Variants in PCDH15 observed in about 807,000 individuals in gnomAD.
The protein encoded by PCDH15 is protocadherin-15.
Under a neutral mutation model 178.5 loss-of-function variants are expected in PCDH15, and 129 were observed. That is an observed-to-expected ratio of 0.72 (90% CI 0.63 to 0.84). The LOEUF (loss-of-function observed/expected upper bound fraction) is 0.84. PCDH15 is among the 40% of genes least tolerant of loss of function. The pLI, the probability that PCDH15 is intolerant of heterozygous loss-of-function variation, is 0.00. For synonymous variants in PCDH15, 800 were observed against 732.0 expected, an observed-to-expected ratio of 1.09 and a Z score of -1.50; for missense variants, 2,230 against 2,099.9, an observed-to-expected ratio of 1.06 and a Z score of -1.21.
intron 3 of PCDH15, chr10:54,452,594 G>GA (rs1554977892): frequency 6.7e-6 from 1 of 149,686 alleles, no homozygotes; most frequent in Non-Finnish European, 1.5e-5. Context: ...TGGTAAGCCA[G>GA]TTTTTTTTTT....
chr10:54,222,676 A>C (rs2052975500), intron 9 of PCDH15, among the ~76,000 whole-genome samples: 1 of 152,194 alleles, frequency 6.6e-6, no homozygotes, highest in Admixed American at 6.5e-5. Context: ...AATTTTGGCC[A>C]TTCTGGTGTG....
chr10:54,050,211 A>T (rs1161843007), intron 18 of PCDH15, among the ~76,000 whole-genome samples: 1 of 151,874 alleles, frequency 6.6e-6, no homozygotes, highest in Non-Finnish European at 1.5e-5. Flanking sequence ...TGATCGGTAG[A>T]TTTTTCATTA....
chr10:54,928,045 C>A (rs1837676197), intron 2 of PCDH15, among the ~76,000 whole-genome samples: 1 of 152,106 alleles, frequency 6.6e-6, no homozygotes, highest in South Asian at 2.1e-4. Flanking sequence ...AGTCTGTGTA[C>A]TTAAGTGTGT....
intron 15 of PCDH15, among the ~76,000 whole-genome samples, chr10:54,122,970 C>T (rs2132897469): frequency 6.6e-6 from 1 of 151,818 alleles, no homozygotes; most frequent in Middle Eastern, 3.4e-3. Context: ...GAGCTATATG[C>T]AGAAGAATGA....
intron 5 of PCDH15, among the ~76,000 whole-genome samples, chr10:54,348,391 G>A (rs932247886): frequency 1.3e-5 from 2 of 152,106 alleles, no homozygotes; most frequent in East Asian, 3.9e-4. Flanking sequence ...GTACCTATGA[G>A]GACATCGAGG....
At chr10:55,440,267 G>A (rs28402773) in intron 2 of PCDH15, among the ~76,000 whole-genome samples, 62,270 of 151,898 alleles carry the variant, frequency 0.41, 13,503 homozygotes, top group East Asian at 0.83. Context: ...TCTTCATAAT[G>A]TCAAACAATT....
chr10:54,442,459 T>TATATATATATATATAC (rs1469736625), intron 3 of PCDH15, among the ~76,000 whole-genome samples: 1 of 93,452 alleles, frequency 1.1e-5, no homozygotes, highest in African/African-American at 4.8e-5. Flanking sequence ...TATATATATA[T>TATATATATATATATAC]ACAGTCTTTT....
At chr10:54,931,934 T>C (rs753406128) in intron 2 of PCDH15, among the ~76,000 whole-genome samples, 6 of 152,130 alleles carry the variant, frequency 3.9e-5, no homozygotes, top group Non-Finnish European at 7.3e-5. Context: ...AAAATGCACC[T>C]CCATATTAAA....
At chr10:55,030,206 C>G (rs11004687) in intron 2 of PCDH15, among the ~76,000 whole-genome samples, 69,740 of 151,952 alleles carry the variant, frequency 0.46, 17,904 homozygotes, top group East Asian at 0.75. Context: ...ACATGTGCCT[C>G]TCTTTAGTTT....
intron 8 of PCDH15, among the ~76,000 whole-genome samples, chr10:54,282,768 A>C (rs2058781116): frequency 6.6e-6 from 1 of 152,072 alleles, no homozygotes; most frequent in African/African-American, 2.4e-5. Flanking sequence ...ATGATTTTTG[A>C]CCAAATATAG....
chr10:54,286,453 G>T (rs895106638), intron 8 of PCDH15, among the ~76,000 whole-genome samples: 14 of 151,632 alleles, frequency 9.2e-5, no homozygotes, highest in Admixed American at 7.9e-4. Context: ...CTAAAACAAA[G>T]AATTTATTGT....
At chr10:54,572,127 A>C (rs1003264200) in intron 2 of PCDH15, among the ~76,000 whole-genome samples, 5 of 152,160 alleles carry the variant, frequency 3.3e-5, no homozygotes, top group African/African-American at 9.6e-5. Flanking sequence ...GTCATGTAGG[A>C]AGGTATAATA....
chr10:54,113,712 G>A (rs2095065378), intron 15 of PCDH15, among the ~76,000 whole-genome samples: 1 of 151,722 alleles, frequency 6.6e-6, no homozygotes, highest in Non-Finnish European at 1.5e-5. Flanking sequence ...GACAACTGTT[G>A]GGACAGCAAC....
At chr10:54,749,395 GGAGCAT>G (rs1945894539) in intron 1 of PCDH15, among the ~76,000 whole-genome samples, 3 of 152,074 alleles carry the variant, frequency 2.0e-5, no homozygotes, top group Non-Finnish European at 4.4e-5. Flanking sequence ...TTAACACTAG[GGAGCAT>G]ATTCAAAGAA....
At chr10:54,432,633 A>C (rs1957098113) in intron 3 of PCDH15, among the ~76,000 whole-genome samples, 1 of 152,274 alleles carries the variant, frequency 6.6e-6, no homozygotes, top group South Asian at 2.1e-4. Flanking sequence ...CTACTACAAA[A>C]AATTGAAGAA....
chr10:55,084,363 T>C (rs1842111698), intron 2 of PCDH15, among the ~76,000 whole-genome samples: 1 of 151,524 alleles, frequency 6.6e-6, no homozygotes, highest in Non-Finnish European at 1.5e-5. Context: ...AGAGACTGAT[T>C]ATTCATATAC....
At chr10:53,857,290 T>C in intron 27 of PCDH15, 27 bp from the exon 28 acceptor site, 1 of 1,562,842 alleles carries the variant, frequency 6.4e-7, no homozygotes, top group Non-Finnish European at 8.8e-7. Context: ...CAGAATTCAT[T>C]TAATTTTTAC....
At chr10:54,487,141 A>G (rs969401521) in intron 3 of PCDH15, among the ~76,000 whole-genome samples, 6 of 152,102 alleles carry the variant, frequency 3.9e-5, no homozygotes, top group African/African-American at 7.2e-5. Context: ...GGATATATGC[A>G]TAATGGAATA....
chr10:54,556,403 C>T (rs2087271273), intron 2 of PCDH15, among the ~76,000 whole-genome samples: 1 of 152,124 alleles, frequency 6.6e-6, no homozygotes, highest in South Asian at 2.1e-4. Flanking sequence ...ATCCAACATG[C>T]AGACAATTTT....
Sources: allele counts gnomAD v4.1 joint callset (sites outside exome capture counted in the v4.1 genomes callset), GRCh38; gene constraint gnomAD v4.1.1; transcripts MANE v1.5; gene names NCBI Gene and HGNC (gene_info 2026-07-23, HGNC 2026-07-21).